SNX9: variants seen among roughly 807,000 people sequenced by gnomAD.
SNX9 encodes the protein sorting nexin-9.
In SNX9, 44 loss-of-function variants were observed where a neutral mutation model predicts 89.4. The ratio of observed to expected loss-of-function variants is 0.49; its 90% CI spans 0.39 to 0.63. The LOEUF is 0.63. Ranked by LOEUF, SNX9 falls within the 30% of genes least tolerant of loss-of-function variation. SNX9 has a pLI of 0.00. For synonymous variants in SNX9, 236 were observed against 247.8 expected (o/e 0.95, Z 0.45); for missense variants, 578 against 736.1 (o/e 0.79, Z 2.49).
chr6:157,879,802 G>C (rs1458166507), intron 4 of SNX9, among the ~76,000 whole-genome samples: 1 of 152,196 alleles, frequency 6.6e-6, no homozygotes, highest in Non-Finnish European at 1.5e-5. Context: ...TTTCAGTATA[G>C]ATCTTAAACT....
At chr6:157,874,773 T>G (rs897508840) in intron 3 of SNX9, 7 of 265,954 alleles carry the variant, frequency 2.6e-5, no homozygotes, top group African/African-American at 1.6e-4. Context: ...AACAGAAAGA[T>G]AGATGGAAAA....
chr6:157,864,596 G>T (rs2115132440), intron 1 of SNX9, among the ~76,000 whole-genome samples: 1 of 152,258 alleles, frequency 6.6e-6, no homozygotes, highest in Admixed American at 6.5e-5. Flanking sequence ...ACAACAGCAG[G>T]TTCCTCATGC....
chr6:157,880,670 T>G (rs142842787), intron 4 of SNX9, among the ~76,000 whole-genome samples: 1 of 152,358 alleles, frequency 6.6e-6, no homozygotes, highest in Non-Finnish European at 1.5e-5. Context: ...TTGAGAGGCG[T>G]GCTCTGCATC....
intron 4 of SNX9, among the ~76,000 whole-genome samples, chr6:157,878,877 A>T (rs907381357): frequency 2.6e-5 from 4 of 152,222 alleles, no homozygotes; most frequent in Non-Finnish European, 5.9e-5. Context: ...TAAGAAAAAG[A>T]TGAAGAATTC....
intron 1 of SNX9, among the ~76,000 whole-genome samples, chr6:157,850,751 A>G: frequency 6.6e-6 from 1 of 152,106 alleles, no homozygotes; most frequent in Non-Finnish European, 1.5e-5. Flanking sequence ...TTTTTCCTGA[A>G]GGCTCCTGGC....
chr6:157,914,469 C>CTTTTTTTTTTTTTTTTT (rs34419515), intron 9 of SNX9, among the ~76,000 whole-genome samples: 6 of 75,116 alleles, frequency 8.0e-5, no homozygotes, highest in Admixed American at 2.1e-4. Flanking sequence ...TTTTCTTTTT[C>CTTTTTTTTTTTTTTTTT]TTTTTTTTTT....
At chr6:157,841,098 G>A (rs1194983564) in intron 1 of SNX9, among the ~76,000 whole-genome samples, 1 of 152,174 alleles carries the variant, frequency 6.6e-6, no homozygotes, top group Non-Finnish European at 1.5e-5. Context: ...GAAAGCAGCT[G>A]GAACCCTGAG....
chr6:157,855,913 G>GT (rs895606780), intron 1 of SNX9, among the ~76,000 whole-genome samples: 6 of 151,912 alleles, frequency 3.9e-5, no homozygotes, highest in Admixed American at 6.6e-5. Context: ...ATATTTTTTT[G>GT]TTTTTTTGTA....
chr6:157,842,325 C>G lies in SNX9; in HGVS notation c.12+18879C>G, dbSNP rs1195064367. Among the ~76,000 whole-genome samples, 3 of 152,314 alleles carry G rather than the reference C, an allele frequency of 2.0e-5. No individual in the cohort carries two copies. In the East Asian group the frequency reaches 5.8e-4, roughly 29 times the overall value. Reference sequence around the variant, plus strand: ...AATGTGACCATACAGGTAACATAATCTAACAGTTAAAAAATATATGCATGT... The same window carrying G: ...AATGTGACCATACAGGTAACATAATGTAACAGTTAAAAAATATATGCATGT... On this transcript the variant is annotated intron_variant, in intron 1 of 17. Coordinates refer to ENST00000392185, the MANE Select transcript of SNX9 (RefSeq NM_016224.5).
chr6:157,919,088 T>C (rs1400518440), intron 9 of SNX9, among the ~76,000 whole-genome samples: 3 of 152,212 alleles, frequency 2.0e-5, no homozygotes, highest in African/African-American at 7.2e-5. Flanking sequence ...GTCACCATCT[T>C]TAGTAATTTC....
intron 17 of SNX9, among the ~76,000 whole-genome samples, chr6:157,941,953 G>T (rs528810916): frequency 1.6e-4 from 24 of 152,160 alleles, no homozygotes; most frequent in Non-Finnish European, 3.2e-4. Flanking sequence ...GCCTTTCATT[G>T]TATATTAGAA....
intron 1 of SNX9, among the ~76,000 whole-genome samples, chr6:157,834,976 C>G (rs1248402868): frequency 6.6e-6 from 1 of 152,186 alleles, no homozygotes; most frequent in African/African-American, 2.4e-5. Flanking sequence ...TCTGAATCAT[C>G]TAAAGCCAAG....
chr6:157,911,497 G>A (rs574515039), intron 9 of SNX9, among the ~76,000 whole-genome samples: 4 of 152,348 alleles, frequency 2.6e-5, no homozygotes, highest in South Asian at 2.1e-4. Context: ...CAGCACTGCC[G>A]TGGAGTTTGT....
intron 5 of SNX9, among the ~76,000 whole-genome samples, chr6:157,899,909 G>A (rs962245218): frequency 7.9e-5 from 12 of 152,066 alleles, no homozygotes; most frequent in African/African-American, 2.2e-4. Flanking sequence ...GTGTGTGCGC[G>A]TGTATATGTG....
chr6:157,917,472 A>C (rs560304167), intron 9 of SNX9, among the ~76,000 whole-genome samples: 3 of 152,244 alleles, frequency 2.0e-5, no homozygotes, highest in Admixed American at 1.3e-4. Context: ...TATAAAGTCT[A>C]CCTTATTGAG....
chr6:157,867,560 A>G lies in SNX9; in HGVS notation c.26A>G (p.Tyr9Cys). 1 of 1,612,416 alleles carries G rather than the reference A, an allele frequency of 6.2e-7. No homozygotes were observed. Among genetic ancestry groups the G allele is most frequent in the Non-Finnish European group, 8.5e-7 (1 of 1,178,852 alleles). The change falls in exon 2 of 18, where the codon TAT becomes TGT. Residue 9 changes from tyrosine (Y) to cysteine (C), a missense_variant. Physicochemically the swap from Tyr to Cys is radical, Grantham distance 194. Coordinates refer to ENST00000392185, the MANE Select transcript of SNX9 (RefSeq NM_016224.5). ...CACTCCTGATAGGCTCGGGTTATGTATGATTTTGCTGCTGAACCTGGAAAT... is the reference window on the plus strand; with the variant it reads ...CACTCCTGATAGGCTCGGGTTATGTGTGATTTTGCTGCTGAACCTGGAAAT... MATKARVM[Y>C]DFAAEPGNNE...
chr6:157,906,736 G>T (rs950147512), intron 7 of SNX9, among the ~76,000 whole-genome samples: 1 of 152,168 alleles, frequency 6.6e-6, no homozygotes, highest in Non-Finnish European at 1.5e-5. Flanking sequence ...GAATTACTTG[G>T]TTATTGCATA....
At chr6:157,849,075 C>T (rs1781858674) in intron 1 of SNX9, among the ~76,000 whole-genome samples, 1 of 152,182 alleles carries the variant, frequency 6.6e-6, no homozygotes, top group South Asian at 2.1e-4. Flanking sequence ...TGCACCACTG[C>T]ACTTCAGCCT....
intron 9 of SNX9, among the ~76,000 whole-genome samples, chr6:157,920,690 AG>A (rs1231169920): frequency 6.6e-6 from 1 of 152,088 alleles, no homozygotes; most frequent in Non-Finnish European, 1.5e-5. Flanking sequence ...GTTGCTTTTG[AG>A]GGGTAGGGTT....
Sources: allele counts gnomAD v4.1 joint callset (sites outside exome capture counted in the v4.1 genomes callset), GRCh38; gene constraint gnomAD v4.1.1; transcripts MANE v1.5; gene names NCBI Gene and HGNC (gene_info 2026-07-23, HGNC 2026-07-21).